CLIP4: variants seen among roughly 807,000 people sequenced by gnomAD.
CLIP4 encodes CAP-Gly domain containing linker protein family member 4, also known as CAP-Gly domain-containing linker protein 4.
In CLIP4, 47 loss-of-function variants were observed where a neutral mutation model predicts 73.1. That is an observed-to-expected ratio of 0.64 (90% CI 0.51 to 0.82). CLIP4 has a LOEUF of 0.82. Among genes scored for constraint, CLIP4 ranks in the 40% least tolerant of loss-of-function variants. CLIP4 has a pLI of 0.00. For missense variants in CLIP4, 874 were observed against 852.9 expected (o/e 1.02, Z -0.31); for synonymous variants, 306 against 295.4 (o/e 1.04, Z -0.37).
chr2:29,169,199 A>G (rs147730439), intron 14 of CLIP4, among the ~76,000 whole-genome samples: 32 of 152,230 alleles, frequency 2.1e-4, no homozygotes, highest in African/African-American at 7.7e-4. Flanking sequence ...ACAGAAATTT[A>G]TTTTCTCACA....
intron 15 of CLIP4, among the ~76,000 whole-genome samples, chr2:29,176,655 G>A (rs1180067952): frequency 2.0e-5 from 3 of 152,176 alleles, no homozygotes; most frequent in African/African-American, 2.4e-5. Flanking sequence ...TACCATGGTC[G>A]TCAGAGGGAC....
At chr2:29,157,038 A>G (rs1666971806) in intron 10 of CLIP4, among the ~76,000 whole-genome samples, 166 bp from the exon 11 acceptor site, 2 of 152,210 alleles carry the variant, frequency 1.3e-5, no homozygotes, top group Non-Finnish European at 2.9e-5. Context: ...TCTTTTATAT[A>G]TAAACTACAA....
chr2:29,149,341 AG>A, intron 8 of CLIP4, among the ~76,000 whole-genome samples: 1 of 151,952 alleles, frequency 6.6e-6, no homozygotes, highest in African/African-American at 2.4e-5. Context: ...AAGTAGGTAG[AG>A]GTTTTTCCAT....
intron 2 of CLIP4, 50 bp from the exon 3 acceptor site, chr2:29,131,208 A>G (rs1055579838): frequency 4.3e-6 from 6 of 1,394,164 alleles, no homozygotes; most frequent in Non-Finnish European, 5.9e-6. Context: ...TTTTCAATAT[A>G]TTTATTTGAA....
chr2:29,181,406 T>C (rs1034358496), intron 15 of CLIP4, among the ~76,000 whole-genome samples, 166 bp from the exon 16 acceptor site: 1 of 152,176 alleles, frequency 6.6e-6, no homozygotes, highest in Non-Finnish European at 1.5e-5. Context: ...AACTGTATAC[T>C]CTAAAACTGC....
intron 15 of CLIP4, among the ~76,000 whole-genome samples, chr2:29,177,578 C>CA (rs112054947): frequency 7.9e-4 from 114 of 144,624 alleles, no homozygotes; most frequent in East Asian, 2.6e-3. Context: ...GACTCTGTTT[C>CA]AAAAAAAAAA....
intron 2 of CLIP4, among the ~76,000 whole-genome samples, chr2:29,122,673 A>G (rs953294570): frequency 6.6e-6 from 1 of 152,060 alleles, no homozygotes; most frequent in Non-Finnish European, 1.5e-5. Flanking sequence ...CTAAAAATAC[A>G]AAAATTAGCC....
intron 8 of CLIP4, among the ~76,000 whole-genome samples, chr2:29,146,637 A>G (rs1052405535): frequency 2.0e-5 from 3 of 152,150 alleles, no homozygotes; most frequent in Non-Finnish European, 4.4e-5. Context: ...ATTGTGTAGT[A>G]TTCATCTTGT....
At chr2:29,122,375 A>G (rs1347229541) in intron 2 of CLIP4, among the ~76,000 whole-genome samples, 1 of 151,970 alleles carries the variant, frequency 6.6e-6, no homozygotes, top group African/African-American at 2.4e-5. Flanking sequence ...TTATTTTCAG[A>G]TATAACAAAA....
chr2:29,100,879 A>G (rs1356113281), intron 1 of CLIP4, among the ~76,000 whole-genome samples: 1 of 152,074 alleles, frequency 6.6e-6, no homozygotes, highest in African/African-American at 2.4e-5. Context: ...GGACAGAACT[A>G]ATAGGATAGA....
intron 3 of CLIP4, chr2:29,131,669 G>T: frequency 3.4e-6 from 1 of 290,130 alleles, no homozygotes; most frequent in South Asian, 9.1e-5. Context: ...AATTAATTTT[G>T]TAAACTTTTA....
In CLIP4 at chr2:29,181,919, A is replaced by G; in HGVS notation, c.*26A>G. ...GCTTCTAAAATATTAAATAAGCTCA[A>G]ATATATATATTTGGTGTAAATAAAG... On this transcript the variant is annotated 3_prime_UTR_variant, in exon 16 of 16. Transcript: ENST00000320081. 2 of 1,533,470 alleles carry G rather than the reference A, an allele frequency of 1.3e-6. No individual in the cohort carries two copies. The highest frequency in any genetic ancestry group is 1.4e-5 in the African/African-American group (1 of 72,452). The allele number at this position is 1,533,470 out of a possible 1,614,324, so 95.0% of individuals were successfully genotyped here.
At chr2:29,137,206 G>A (rs1665429107) in intron 6 of CLIP4, among the ~76,000 whole-genome samples, 1 of 151,872 alleles carries the variant, frequency 6.6e-6, no homozygotes, top group African/African-American at 2.4e-5. Flanking sequence ...AGGGGTCCCA[G>A]TGTCTGTTGT....
chr2:29,101,312 GA>G (rs75588803), intron 1 of CLIP4, among the ~76,000 whole-genome samples: 5,949 of 105,330 alleles, frequency 0.056, 244 homozygotes, highest in African/African-American at 0.14. Flanking sequence ...AAAAAAAAAA[GA>G]AAAAAAAAAA....
At position 29,168,362 on chromosome 2, in the gene CLIP4, G is replaced by A. The variant is rs796539686; in HGVS notation, c.1723+822G>A. ...TTGTAGGCTTCTTTGTGTATTTTGG[G>A]AACATTTTGTCAATTTCATGTGTGG... On this transcript the variant is annotated intron_variant, in intron 14 of 15. Transcript: ENST00000320081. Among the ~76,000 whole-genome samples the A allele has an allele frequency of 2.8e-4, 42 of 151,944 alleles. 1 individual carries two copies. The highest frequency in any genetic ancestry group is 9.6e-4 in the African/African-American group (40 of 41,460).
intron 14 of CLIP4, among the ~76,000 whole-genome samples, chr2:29,173,670 C>T (rs1442664173): frequency 6.6e-6 from 1 of 152,164 alleles, no homozygotes; most frequent in Non-Finnish European, 1.5e-5. Context: ...AAAATTGTGT[C>T]AATCAAAAGA....
At chr2:29,157,647 G>GT (rs1667017890) in intron 11 of CLIP4, among the ~76,000 whole-genome samples, 1 of 152,066 alleles carries the variant, frequency 6.6e-6, no homozygotes, top group African/African-American at 2.4e-5. Context: ...TGCTTTCTGT[G>GT]TTTTTATTCA....
chr2:29,174,567 A>G (rs985994970), intron 15 of CLIP4, 122 bp downstream of exon 15: 3 of 1,435,074 alleles, frequency 2.1e-6, no homozygotes, highest in Admixed American at 5.8e-5. Context: ...CACGTAGGAG[A>G]AAAGGTGTGA....
intron 2 of CLIP4, among the ~76,000 whole-genome samples, chr2:29,123,070 C>T (rs1373951458): frequency 6.6e-6 from 1 of 152,208 alleles, no homozygotes; most frequent in East Asian, 1.9e-4. Flanking sequence ...AATTGGTCTC[C>T]CTGAAATTTT....
Sources: gnomAD v4.1 joint callset for allele counts (sites outside exome capture counted in the v4.1 genomes callset) on GRCh38, gnomAD v4.1.1 for gene constraint, MANE v1.5 for transcripts, NCBI Gene and HGNC (gene_info 2026-07-23, HGNC 2026-07-21) for gene names.